The following RNF17 variants were observed in gnomAD, a reference collection of about 807,000 sequenced individuals.
The protein encoded by RNF17 is spermatogenesis associated 23.
Under a neutral mutation model 200.5 loss-of-function variants are expected in RNF17, and 31 were observed. The ratio of observed to expected loss-of-function variants is 0.15; its 90% CI spans 0.12 to 0.21. RNF17 has a LOEUF of 0.21. RNF17 is among the 10% of genes least tolerant of loss of function. The probability of loss-of-function intolerance (pLI) is 1.00; values close to 1 mark genes in which losing one functional copy is unlikely to be tolerated. For synonymous variants in RNF17, 606 were observed against 637.8 expected (o/e 0.95, Z 0.75); for missense variants, 1,628 against 1,905.1 (o/e 0.85, Z 2.71).
chr13:24,836,414 G>A (rs1268584603), intron 18 of RNF17, among the ~76,000 whole-genome samples: 1 of 152,294 alleles, frequency 6.6e-6, no homozygotes, highest in Admixed American at 6.5e-5. Flanking sequence ...TTGTCATCAG[G>A]TTATCAAAGT....
chr13:24,782,557 G>A (rs563561745), intron 6 of RNF17, among the ~76,000 whole-genome samples: 5 of 151,972 alleles, frequency 3.3e-5, no homozygotes, highest in African/African-American at 9.7e-5. Context: ...TACACCTGTA[G>A]GATTACATGG....
chr13:24,750,752 C>G, the RNF17 span: 1 of 151,968 alleles, frequency 6.6e-6, no homozygotes, highest in East Asian at 1.9e-4. Flanking sequence ...TTGATTAATT[C>G]TTTATTTTTC....
At chr13:24,779,610 T>C in intron 4 of RNF17, 57 bp from the exon 5 acceptor site, 1 of 1,336,258 alleles carries the variant, frequency 7.5e-7, no homozygotes, top group South Asian at 1.2e-5. Context: ...AATATATATA[T>C]GTCTAGGCAT....
At chr13:24,764,753 T>C (rs1254591879) in intron 1 of RNF17, among the ~76,000 whole-genome samples, 1 of 152,166 alleles carries the variant, frequency 6.6e-6, no homozygotes, top group Non-Finnish European at 1.5e-5. Context: ...CATTGTGAAA[T>C]GGTTTTGGAT....
intron 5 of RNF17, among the ~76,000 whole-genome samples, chr13:24,780,837 G>A (rs969318279): frequency 1.5e-4 from 23 of 152,052 alleles, no homozygotes; most frequent in Middle Eastern, 6.8e-3. Context: ...AGCCAAGATC[G>A]TGCCACTGTA....
chr13:24,767,474 G>T, intron 2 of RNF17, 108 bp downstream of exon 2: 4 of 739,798 alleles, frequency 5.4e-6, no homozygotes, highest in South Asian at 1.7e-5. Context: ...AGTTGGCCGG[G>T]CGTGGTGGCT....
At chr13:24,763,856 A>C (rs1879124687), upstream of RNF17, among the ~76,000 whole-genome samples, 1 of 152,216 alleles carries the variant, frequency 6.6e-6, no homozygotes, top group Admixed American at 6.5e-5. Flanking sequence ...GTAATAGGGA[A>C]AGGGGATTGT....
At chr13:24,756,580 G>C in the RNF17 span, among the ~76,000 whole-genome samples, 1 of 151,490 alleles carries the variant, frequency 6.6e-6, no homozygotes, top group Non-Finnish European at 1.5e-5. Flanking sequence ...CTCCAGACTT[G>C]GGTATGTCAT....
the RNF17 span, among the ~76,000 whole-genome samples, chr13:24,753,379 A>G: frequency 6.6e-6 from 1 of 152,210 alleles, no homozygotes; most frequent in Non-Finnish European, 1.5e-5. Flanking sequence ...CTAGCATCAC[A>G]CATGACCTGT....
chr13:24,764,885 TGGGGTG>T, intron 1 of RNF17, among the ~76,000 whole-genome samples: 1 of 99,670 alleles, frequency 1.0e-5, no homozygotes, highest in East Asian at 3.5e-4. Context: ...GTGCACCTTG[TGGGGTG>T]TGTGTGTGTG....
chr13:24,780,109 C>T (rs891790755), intron 5 of RNF17, among the ~76,000 whole-genome samples: 3 of 152,106 alleles, frequency 2.0e-5, no homozygotes, highest in Admixed American at 6.5e-5. Flanking sequence ...GAGACTCTCT[C>T]ATTTGGTGAC....
chr13:24,869,768 G>T (rs1894047205), intron 31 of RNF17, among the ~76,000 whole-genome samples: 1 of 151,342 alleles, frequency 6.6e-6, no homozygotes, highest in African/African-American at 2.5e-5. Context: ...GTGGTTTTTT[G>T]TTTGTTTGTT....
intron 15 of RNF17, among the ~76,000 whole-genome samples, chr13:24,814,767 TTTTG>T (rs1171557175): frequency 6.6e-6 from 1 of 152,260 alleles, no homozygotes; most frequent in Non-Finnish European, 1.5e-5. Context: ...GTGTTGTAAC[TTTTG>T]AAATCAAAAC....
In RNF17 at chr13:24,793,126, C is replaced by T. The variant is rs1884089111; in HGVS notation, c.1020C>T (p.Tyr340=). 1 of 1,613,368 alleles carries T rather than the reference C, an allele frequency of 6.2e-7. No individual in the cohort carries two copies. Among genetic ancestry groups the T allele is most frequent in the Non-Finnish European group, 8.5e-7 (1 of 1,179,432 alleles). ...NKKELSCYDT[Y]PPLEKKKVDM... is the part of the protein sequence containing the mutation. ...AGGAACTTTCTTGTTACGATACATA[C>T]CCACCGCTAGAAAAGAAAAAGGTTG... is the stretch of plus-strand genomic sequence containing the variant. The change falls in exon 10 of 36, where the codon TAC becomes TAT. Residue 340 remains tyrosine, a synonymous_variant. Transcript: ENST00000255324.
intron 18 of RNF17, among the ~76,000 whole-genome samples, chr13:24,840,854 C>T (rs7988510): frequency 0.044 from 6,670 of 152,116 alleles, 462 homozygotes; most frequent in African/African-American, 0.15. Context: ...CTCGTTTAAC[C>T]AAATACCACG....
chr13:24,828,684 C>T (rs536933399), intron 16 of RNF17, among the ~76,000 whole-genome samples: 103 of 151,678 alleles, frequency 6.8e-4, no homozygotes, highest in African/African-American at 2.4e-3. Flanking sequence ...TTTTAAAATT[C>T]TATTGTGAGT....
chr13:24,764,171 A>C lies in RNF17; in HGVS notation c.-33A>C, dbSNP rs1251790833. The C allele has an allele frequency of 3.2e-6, 5 of 1,554,412 alleles. No homozygotes were observed. In the African/African-American group the frequency reaches 4.1e-5, roughly 13 times the overall value. The stretch of plus-strand genomic sequence containing the variant: ...TGCCGCGAGGGCCGCCGGGACTCGC[A>C]CTCGGCGGTTGTTCCAGAAGAAAGA... On this transcript the variant is annotated 5_prime_UTR_variant, in exon 1 of 36. Coordinates refer to ENST00000255324, the MANE Select transcript of RNF17 (RefSeq NM_031277.3).
chr13:24,765,347 CT>C (rs1438017670), intron 1 of RNF17, among the ~76,000 whole-genome samples: 1 of 152,180 alleles, frequency 6.6e-6, no homozygotes, highest in African/African-American at 2.4e-5. Flanking sequence ...CTTAAAATAC[CT>C]TAGTGTGCTC....
intron 27 of RNF17, among the ~76,000 whole-genome samples, chr13:24,861,800 T>C (rs1893127351): frequency 6.6e-6 from 1 of 152,150 alleles, no homozygotes; most frequent in Non-Finnish European, 1.5e-5. Context: ...GTTCAGGGAT[T>C]AGGAGTGGCT....
Sources: gnomAD v4.1 joint callset for allele counts (sites outside exome capture counted in the v4.1 genomes callset) on GRCh38, gnomAD v4.1.1 for gene constraint, MANE v1.5 for transcripts, NCBI Gene and HGNC (gene_info 2026-07-23, HGNC 2026-07-21) for gene names.